The following ALK variants were observed in gnomAD, a reference collection of about 807,000 sequenced individuals.
The protein encoded by ALK is ALK tyrosine kinase receptor.
Under a neutral mutation model 163.1 loss-of-function variants are expected in ALK, and 74 were observed. The observed-to-expected ratio is 0.45, with a 90% CI of 0.38 to 0.55. ALK has a LOEUF of 0.55. Ranked by LOEUF, ALK falls within the 20% of genes least tolerant of loss-of-function variation. ALK has a pLI of 0.00. For synonymous variants in ALK, 960 were observed against 843.2 expected (o/e 1.14, Z -2.40); for missense variants, 2,063 against 2,105.3 (o/e 0.98, Z 0.39).
intron 1 of ALK, among the ~76,000 whole-genome samples, chr2:29,782,516 C>T (rs544179621): frequency 6.6e-5 from 10 of 152,306 alleles, no homozygotes; most frequent in Middle Eastern, 3.4e-3. Flanking sequence ...CTCTCCTGTG[C>T]CTGGCCAGCG....
rs2148184416 is a variant in ALK, at chr2:29,233,562, T to C, written c.2487+3A>G. 1 of 1,614,206 alleles carries C rather than the reference T, an allele frequency of 6.2e-7. No individual in the cohort carries two copies. Among genetic ancestry groups the C allele is most frequent in the Non-Finnish European group, 8.5e-7 (1 of 1,180,028 alleles). On this transcript the variant is annotated splice_donor_region_variant and intron_variant, in intron 14 of 28. Coordinates refer to ENST00000389048, the MANE Select transcript of ALK (RefSeq NM_004304.5). ...GGTGGAAATCTGGCAGCACACACCATACCTTAAATACGTAGGTGGCTCCAC... is the reference window on the plus strand; with the variant it reads ...GGTGGAAATCTGGCAGCACACACCACACCTTAAATACGTAGGTGGCTCCAC...
intron 4 of ALK, among the ~76,000 whole-genome samples, chr2:29,520,212 G>A (rs969083280): frequency 2.0e-5 from 3 of 152,216 alleles, no homozygotes; most frequent in Non-Finnish European, 4.4e-5. Context: ...CACAAATGGA[G>A]ATAACCCAGG....
At chr2:29,297,497 C>T (rs1308878453) in intron 8 of ALK, among the ~76,000 whole-genome samples, 2 of 152,168 alleles carry the variant, frequency 1.3e-5, no homozygotes, top group Non-Finnish European at 2.9e-5. Flanking sequence ...ATTTAGGTAT[C>T]ATAGATTTTT....
chr2:29,594,338 G>A (rs866311211), intron 3 of ALK, among the ~76,000 whole-genome samples: 8 of 151,784 alleles, frequency 5.3e-5, no homozygotes, highest in Non-Finnish European at 1.2e-4. Context: ...CTCCACATTC[G>A]GTAAAATCAC....
At chr2:29,500,126 A>G (rs988911122) in intron 4 of ALK, among the ~76,000 whole-genome samples, 6 of 151,104 alleles carry the variant, frequency 4.0e-5, no homozygotes, top group African/African-American at 1.2e-4. Flanking sequence ...GATGGCTGAT[A>G]TGGTTTGGAT....
intron 26 of ALK, among the ~76,000 whole-genome samples, chr2:29,199,151 G>C (rs1289963613): frequency 6.6e-6 from 1 of 151,442 alleles, no homozygotes; most frequent in African/African-American, 2.4e-5. Context: ...ACAGGGTTTC[G>C]TCATGTTGGC....
intron 3 of ALK, among the ~76,000 whole-genome samples, chr2:29,600,849 A>G (rs752504545): frequency 6.6e-6 from 1 of 152,174 alleles, no homozygotes; most frequent in Non-Finnish European, 1.5e-5. Flanking sequence ...GTATTTCTGG[A>G]AATAGGCAGC....
intron 3 of ALK, among the ~76,000 whole-genome samples, chr2:29,673,828 T>C (rs1438824535): frequency 6.6e-6 from 1 of 151,360 alleles, no homozygotes; most frequent in Non-Finnish European, 1.5e-5. Context: ...TGTTCTTCCA[T>C]TTGTTTGTAT....
intron 4 of ALK, among the ~76,000 whole-genome samples, chr2:29,462,981 C>G (rs1453252938): frequency 6.6e-6 from 1 of 152,062 alleles, no homozygotes; most frequent in Admixed American, 6.6e-5. Context: ...AATGATGATC[C>G]AAATCCTATA....
chr2:29,642,974 T>C (rs376670078), intron 3 of ALK, among the ~76,000 whole-genome samples: 16 of 152,186 alleles, frequency 1.1e-4, no homozygotes, highest in African/African-American at 3.6e-4. Flanking sequence ...ACCTGCCTCT[T>C]TCCTCTGGGA....
intron 4 of ALK, among the ~76,000 whole-genome samples, chr2:29,495,852 T>A (rs1376537604): frequency 6.6e-6 from 1 of 152,246 alleles, no homozygotes; most frequent in Non-Finnish European, 1.5e-5. Context: ...TAATTAATTA[T>A]GCTGGCACAT....
intron 1 of ALK, among the ~76,000 whole-genome samples, chr2:29,862,047 T>C (rs1439270126): frequency 6.6e-6 from 1 of 152,138 alleles, no homozygotes; most frequent in Non-Finnish European, 1.5e-5. Context: ...TATCAATAAA[T>C]GCAAAATCCA....
chr2:29,406,932 A>AT (rs1669599790), intron 4 of ALK, among the ~76,000 whole-genome samples: 1 of 150,524 alleles, frequency 6.6e-6, no homozygotes, highest in African/African-American at 2.4e-5. Context: ...CAGAATTTTC[A>AT]TGAAAGATCT....
chr2:29,730,659 T>C (rs1330930422), intron 1 of ALK, among the ~76,000 whole-genome samples: 1 of 152,208 alleles, frequency 6.6e-6, no homozygotes, highest in Non-Finnish European at 1.5e-5. Flanking sequence ...TTCCTCACCT[T>C]TTTTCATATC....
At chr2:29,791,070 A>G (rs368667281) in intron 1 of ALK, among the ~76,000 whole-genome samples, 1 of 152,204 alleles carries the variant, frequency 6.6e-6, no homozygotes, top group East Asian at 1.9e-4. Context: ...ATTAGATAAC[A>G]TGTGAAAAAC....
At chr2:29,237,404 C>T (rs1447906122) in intron 13 of ALK, among the ~76,000 whole-genome samples, 2 of 152,176 alleles carry the variant, frequency 1.3e-5, no homozygotes, top group Non-Finnish European at 2.9e-5. Context: ...GTGGCCTGAT[C>T]CAGCCCTATT....
At chr2:29,456,477 TATG>T (rs1319520043) in intron 4 of ALK, among the ~76,000 whole-genome samples, 1 of 152,144 alleles carries the variant, frequency 6.6e-6, no homozygotes, top group African/African-American at 2.4e-5. Flanking sequence ...ACAAATATTG[TATG>T]ATACCACTTA....
chr2:29,615,258 T>C (rs1675807951), intron 3 of ALK, among the ~76,000 whole-genome samples: 1 of 152,220 alleles, frequency 6.6e-6, no homozygotes, highest in Admixed American at 6.5e-5. Context: ...TTGTGAAATT[T>C]TCACTGGACA....
intron 3 of ALK, among the ~76,000 whole-genome samples, chr2:29,555,656 G>A (rs1176188255): frequency 6.6e-6 from 1 of 152,134 alleles, no homozygotes; most frequent in Non-Finnish European, 1.5e-5. Flanking sequence ...CCCAACTGAA[G>A]AAGCAGATAG....
Sources: allele counts gnomAD v4.1 joint callset (sites outside exome capture counted in the v4.1 genomes callset), GRCh38; gene constraint gnomAD v4.1.1; transcripts MANE v1.5; gene names NCBI Gene and HGNC (gene_info 2026-07-23, HGNC 2026-07-21).